The following BANP variants were observed in gnomAD, a reference collection of about 807,000 sequenced individuals.
BANP encodes the protein protein BANP.
A neutral mutation model predicts 68.1 loss-of-function variants in BANP; 11 were observed. The ratio of observed to expected loss-of-function variants is 0.16; its 90% CI spans 0.10 to 0.27. The LOEUF is 0.27. BANP is among the 10% of genes least tolerant of loss of function. BANP has a pLI of 1.00. For synonymous variants in BANP, 329 were observed against 303.2 expected, an observed-to-expected ratio of 1.09 and a Z score of -0.88; for missense variants, 504 against 722.7, an observed-to-expected ratio of 0.70 and a Z score of 3.47.
rs537043164 is a variant in BANP at position 88,009,927 on chromosome 16, C to T, written c.655+3662C>T. Among the ~76,000 whole-genome samples, 516 of 152,178 alleles carry T rather than the reference C, an allele frequency of 3.4e-3. 5 individuals carry two copies. Among genetic ancestry groups the T allele is most frequent in the Non-Finnish European group, 5.6e-3 (382 of 68,018 alleles). ...GCTCCTGACTGTTGAAAGCATGGAA[C>T]AGTAGACTGTGTCTCATTGGAATAA... On this transcript the variant is annotated intron_variant, in intron 6 of 13. Transcript: ENST00000682872.
chr16:87,999,419 CACCCA>C (rs1353835641), intron 4 of BANP, among the ~76,000 whole-genome samples: 7 of 100,044 alleles, frequency 7.0e-5, no homozygotes, highest in South Asian at 3.7e-4. Context: ...TCCTTCCAGA[CACCCA>C]GACACGTCTC....
chr16:87,999,283 T>C (rs79697479), intron 4 of BANP, among the ~76,000 whole-genome samples: 2,679 of 71,936 alleles, frequency 0.037, no homozygotes, highest in South Asian at 0.049. Context: ...TCTCCATGCA[T>C]GCACTTGCAC....
chr16:87,972,772 T>G (rs2061358478), intron 1 of BANP, among the ~76,000 whole-genome samples: 2 of 152,222 alleles, frequency 1.3e-5, no homozygotes, highest in South Asian at 4.1e-4. Context: ...GTCTCTAGTT[T>G]CCGTGCCCTG....
chr16:88,042,002 GCAGTAGGAGGGTGAGAGACA>G (rs1403234554), intron 11 of BANP, among the ~76,000 whole-genome samples: 2 of 152,126 alleles, frequency 1.3e-5, no homozygotes, highest in Non-Finnish European at 2.9e-5. Context: ...CGTGGGAGAC[GCAGTAGGAGGGTGAGAGACA>G]CAGTAGGAGG....
At chr16:87,985,703 C>T (rs1215585125) in intron 4 of BANP, among the ~76,000 whole-genome samples, 4 of 152,312 alleles carry the variant, frequency 2.6e-5, no homozygotes, top group Non-Finnish European at 4.4e-5. Context: ...AAAAGCCGGA[C>T]GTCCCACCTG....
At chr16:88,037,869 G>A in intron 10 of BANP, 104 bp from the exon 11 acceptor site, 1 of 1,168,886 alleles carries the variant, frequency 8.6e-7, no homozygotes, top group Non-Finnish European at 1.3e-6. Flanking sequence ...GGGTTTTCTT[G>A]TTATTCTCAA....
At chr16:87,950,035 G>A (rs75529817), upstream of BANP, among the ~76,000 whole-genome samples, 1 of 151,972 alleles carries the variant, frequency 6.6e-6, no homozygotes, top group Admixed American at 6.6e-5. Context: ...CTGCCACCGC[G>A]CCGGGCTAAT....
intron 7 of BANP, among the ~76,000 whole-genome samples, chr16:88,025,558 A>G (rs1241725164): frequency 1.3e-5 from 2 of 152,148 alleles, no homozygotes; most frequent in Non-Finnish European, 2.9e-5. Context: ...TACAAATCCC[A>G]CCGTCCTGAC....
At chr16:88,010,033 G>A (rs1378480145) in intron 6 of BANP, among the ~76,000 whole-genome samples, 3 of 152,038 alleles carry the variant, frequency 2.0e-5, no homozygotes, top group Non-Finnish European at 4.4e-5. Flanking sequence ...GTTCCTGACT[G>A]TTGAAAGCAG....
chr16:88,027,716 CA>C (rs1466826285), intron 8 of BANP, 66 bp downstream of exon 8: 14 of 1,575,828 alleles, frequency 8.9e-6, no homozygotes, highest in Non-Finnish European at 1.1e-5. Context: ...GTGGCACCCT[CA>C]GGGGCAGCCA....
chr16:88,051,112 T>C (rs2083160717), intron 11 of BANP, among the ~76,000 whole-genome samples: 1 of 152,240 alleles, frequency 6.6e-6, no homozygotes, highest in Non-Finnish European at 1.5e-5. Flanking sequence ...GCCAAGCTGT[T>C]GACCGCAGCA....
chr16:87,955,316 T>G (rs1420222194), intron 1 of BANP, among the ~76,000 whole-genome samples: 1 of 152,238 alleles, frequency 6.6e-6, no homozygotes, highest in Non-Finnish European at 1.5e-5. Context: ...ACGCACACTT[T>G]CAGGCCCTAC....
At chr16:88,010,021 T>C (rs2072597595) in intron 6 of BANP, among the ~76,000 whole-genome samples, 1 of 152,164 alleles carries the variant, frequency 6.6e-6, no homozygotes, top group Non-Finnish European at 1.5e-5. Flanking sequence ...ATAAGGACGG[T>C]AGTTCCTGAC....
At chr16:88,038,512 G>A (rs2079977787) in intron 11 of BANP, among the ~76,000 whole-genome samples, 1 of 123,372 alleles carries the variant, frequency 8.1e-6, no homozygotes, top group East Asian at 2.7e-4. Context: ...TTCTGCACAC[G>A]CATGCGTATG....
At chr16:87,968,498 ATAAGT>A (rs887295205) in intron 1 of BANP, among the ~76,000 whole-genome samples, 2 of 149,504 alleles carry the variant, frequency 1.3e-5, no homozygotes, top group Non-Finnish European at 3.0e-5. Flanking sequence ...AAAAAAAAAA[ATAAGT>A]TTAGTTTATC....
At chr16:87,967,960 G>A (rs1400919881) in intron 1 of BANP, among the ~76,000 whole-genome samples, 2 of 146,960 alleles carry the variant, frequency 1.4e-5, no homozygotes, top group Non-Finnish European at 3.0e-5. Flanking sequence ...CACCGTGTTG[G>A]TCAGGCTGGT....
chr16:87,983,761 T>C (rs3815817), intron 3 of BANP, among the ~76,000 whole-genome samples: 53,019 of 152,092 alleles, frequency 0.35, 10,547 homozygotes, highest in Non-Finnish European at 0.47. Context: ...TGATTAATAA[T>C]AACATATTAA....
At position 88,057,210 on chromosome 16, in the gene BANP, G is replaced by A. The variant is rs960841154; in HGVS notation, c.1312-8057G>A. Among the ~76,000 whole-genome samples, 10 of 152,184 alleles carry A rather than the reference G, an allele frequency of 6.6e-5. No homozygotes were observed. Among genetic ancestry groups the A allele is most frequent in the Admixed American group, 3.3e-4 (5 of 15,290 alleles). ...GGGAGCGACTTCACACAGCTGGCAC[G>A]GGATGCTTCGAAGTGGGGTACGGGC... On this transcript the variant is annotated intron_variant, in intron 11 of 13. Transcript: ENST00000682872. This position sits in a 1 kb window ranked among gnomAD's most constrained non-coding sequence, Gnocchi z 4.6.
rs1250625482 is a variant in BANP at position 87,957,366 on chromosome 16, A to T, written c.-69+5851A>T. Among the ~76,000 whole-genome samples, 5 of 152,192 alleles carry T rather than the reference A, an allele frequency of 3.3e-5. 1 individual carries two copies. The highest frequency in any genetic ancestry group is 2.6e-4 in the Admixed American group (4 of 15,280). The stretch of plus-strand genomic sequence containing the variant: ...AAACACCTGAGGAAGGCTGGGCAGA[A>T]TGGATCGGGGGTGTGTATTGGCTGC... On this transcript the variant is annotated intron_variant, in intron 1 of 13. Transcript: ENST00000682872. This position sits in a 1 kb window ranked among gnomAD's most constrained non-coding sequence, Gnocchi z 4.3.
Sources: allele counts gnomAD v4.1 joint callset (sites outside exome capture counted in the v4.1 genomes callset), GRCh38; gene constraint gnomAD v4.1.1; non-coding constraint Gnocchi (gnomAD v3.1); transcripts MANE v1.5; gene names NCBI Gene and HGNC (gene_info 2026-07-23, HGNC 2026-07-21).